Variants in TMEM132D observed in about 807,000 individuals in gnomAD.
TMEM132D encodes mature OL transmembrane protein.
Under a neutral mutation model 62.3 loss-of-function variants are expected in TMEM132D, and 21 were observed. That is an observed-to-expected ratio of 0.34 (90% CI 0.24 to 0.49). The LOEUF (loss-of-function observed/expected upper bound fraction) is 0.49. TMEM132D is among the 20% of genes least tolerant of loss of function. The probability of loss-of-function intolerance (pLI) is 0.99; values close to 1 mark genes in which losing one functional copy is unlikely to be tolerated. For synonymous variants in TMEM132D, 621 were observed against 575.6 expected, an observed-to-expected ratio of 1.08 and a Z score of -1.13; for missense variants, 1,346 against 1,402.8, an observed-to-expected ratio of 0.96 and a Z score of 0.65.
rs1480129820 is a variant in TMEM132D at position 129,432,167 on chromosome 12, A to ATGCT, written c.1116-94351_1116-94350insAGCA. On this transcript the variant is annotated intron_variant, in intron 3 of 8. Transcript: ENST00000422113. ...GATGGATGGATGGATGCTTGGATGG[A>ATGCT]TGGATGGATGGATGGATGGATGGAT... Among the ~76,000 whole-genome samples the ATGCT allele has an allele frequency of 1.6e-3, 212 of 132,644 alleles. 2 individuals are homozygous for ATGCT. Among genetic ancestry groups the ATGCT allele is most frequent in the African/African-American group, 5.9e-3 (200 of 34,118 alleles). The allele number at this position is 132,644 out of a possible 152,430, so 87.0% of individuals were successfully genotyped here. A position where few individuals can be genotyped will look rare whatever the true frequency, so the allele number is the denominator to read the frequency against.
chr12:129,719,212 T>C (rs1433150537), intron 1 of TMEM132D, among the ~76,000 whole-genome samples: 3 of 151,744 alleles, frequency 2.0e-5, no homozygotes, highest in Admixed American at 2.0e-4. Context: ...TGAGCCGAGA[T>C]CGCACGACTA....
At chr12:129,758,620 A>G (rs924603409) in intron 1 of TMEM132D, among the ~76,000 whole-genome samples, 2 of 152,208 alleles carry the variant, frequency 1.3e-5, no homozygotes, top group Admixed American at 6.5e-5. Context: ...TGTATCTAAC[A>G]CATATCATAG....
intron 2 of TMEM132D, among the ~76,000 whole-genome samples, chr12:129,606,135 G>C (rs1271359997): frequency 6.6e-6 from 1 of 152,190 alleles, no homozygotes; most frequent in Non-Finnish European, 1.5e-5. Flanking sequence ...ATCTCTCCCT[G>C]GGTCTTCACA....
At chr12:129,868,274 T>C (rs536830167) in intron 1 of TMEM132D, among the ~76,000 whole-genome samples, 1 of 152,168 alleles carries the variant, frequency 6.6e-6, no homozygotes, top group East Asian at 1.9e-4. Flanking sequence ...AGCATTTCTA[T>C]GGTACACACA....
In TMEM132D at chr12:129,456,677, C is replaced by A. The variant is rs532759616; in HGVS notation, c.1115+74382G>T. Among the ~76,000 whole-genome samples, 6 of 152,288 alleles carry A rather than the reference C, an allele frequency of 3.9e-5. 1 individual carries two copies. Among genetic ancestry groups the A allele is most frequent in the African/African-American group, 1.4e-4 (6 of 41,578 alleles). On this transcript the variant is annotated intron_variant, in intron 3 of 8. Transcript: ENST00000422113. ...TCTTCTTCATCTGCTCTCTTTTACC[C>A]ATAAACGGCAGATGGAACTGTTTGT...
chr12:129,394,734 G>A (rs10773647), intron 3 of TMEM132D, among the ~76,000 whole-genome samples: 56,919 of 152,056 alleles, frequency 0.37, 11,345 homozygotes, highest in East Asian at 0.63. Context: ...CAAACACATC[G>A]CATTAAAAAG....
At chr12:129,106,018 G>A (rs887643016) in intron 5 of TMEM132D, among the ~76,000 whole-genome samples, 172 of 151,596 alleles carry the variant, frequency 1.1e-3, no homozygotes, top group Non-Finnish European at 2.1e-3. Context: ...GAACCAACCC[G>A]AATGTCCAAC....
chr12:129,088,564 C>T (rs1206886734), intron 5 of TMEM132D, among the ~76,000 whole-genome samples: 1 of 34,908 alleles, frequency 2.9e-5, no homozygotes, highest in Non-Finnish European at 4.8e-5. Context: ...GGGTGTCCTC[C>T]CTGACCGGGT....
intron 4 of TMEM132D, among the ~76,000 whole-genome samples, chr12:129,220,761 C>T (rs1015932815): frequency 2.6e-5 from 4 of 151,948 alleles, no homozygotes; most frequent in Non-Finnish European, 5.9e-5. Flanking sequence ...AAATGTCAAA[C>T]GGATACAAGA....
chr12:129,282,553 G>C (rs1881186160), intron 4 of TMEM132D, among the ~76,000 whole-genome samples: 1 of 152,090 alleles, frequency 6.6e-6, no homozygotes, highest in Non-Finnish European at 1.5e-5. Context: ...TGGAGATTTG[G>C]CAACCCTCTC....
intron 3 of TMEM132D, among the ~76,000 whole-genome samples, chr12:129,405,015 T>G (rs1411513316): frequency 6.6e-6 from 1 of 152,204 alleles, no homozygotes; most frequent in Non-Finnish European, 1.5e-5. Flanking sequence ...GTGAATGAAA[T>G]GAGGATAGGA....
chr12:129,896,150 GT>G (rs528660395), intron 1 of TMEM132D, among the ~76,000 whole-genome samples: 80 of 151,036 alleles, frequency 5.3e-4, no homozygotes, highest in Admixed American at 3.4e-3. Context: ...TTTTTGTTTT[GT>G]TTTGTTTTGT....
At chr12:129,608,724 C>T (rs1441272256) in intron 2 of TMEM132D, among the ~76,000 whole-genome samples, 2 of 152,274 alleles carry the variant, frequency 1.3e-5, no homozygotes, top group East Asian at 1.9e-4. Context: ...GGCCTTTCTC[C>T]GTCTGTCATG....
At chr12:129,396,955 T>C (rs746259839) in intron 3 of TMEM132D, among the ~76,000 whole-genome samples, 1 of 152,224 alleles carries the variant, frequency 6.6e-6, no homozygotes, top group Non-Finnish European at 1.5e-5. Flanking sequence ...TCACATTGCT[T>C]GTACACCTGA....
At chr12:129,397,666 T>C (rs1425780227) in intron 3 of TMEM132D, among the ~76,000 whole-genome samples, 2 of 152,188 alleles carry the variant, frequency 1.3e-5, no homozygotes, top group African/African-American at 2.4e-5. Flanking sequence ...ACATAATCAG[T>C]GATTGTGATT....
At chr12:129,342,829 T>A (rs1336603697) in intron 3 of TMEM132D, among the ~76,000 whole-genome samples, 1 of 152,174 alleles carries the variant, frequency 6.6e-6, no homozygotes, top group African/African-American at 2.4e-5. Flanking sequence ...GAAAAAATGC[T>A]CATCATCACT....
At chr12:129,841,315 A>G (rs1156264819) in intron 1 of TMEM132D, among the ~76,000 whole-genome samples, 1 of 152,182 alleles carries the variant, frequency 6.6e-6, no homozygotes, top group African/African-American at 2.4e-5. Flanking sequence ...AAGATTAAAA[A>G]AGAAAAAAAA....
intron 4 of TMEM132D, among the ~76,000 whole-genome samples, chr12:129,258,268 C>CATAT (rs1205374031): frequency 6.6e-6 from 1 of 151,896 alleles, no homozygotes; most frequent in Non-Finnish European, 1.5e-5. Flanking sequence ...GCAGATAGTA[C>CATAT]ATATATAAAT....
In TMEM132D at chr12:129,371,537, T is replaced by G. The variant is rs1040222020; in HGVS notation, c.1116-33720A>C. On this transcript the variant is annotated intron_variant, in intron 3 of 8. Coordinates refer to ENST00000422113, the MANE Select transcript of TMEM132D (RefSeq NM_133448.3). The surrounding 1 kb of genome is among the most constrained non-coding windows in gnomAD (Gnocchi z 4.3). ...ATGGTGGTGATTATGATGATGATTA[T>G]GATGATGATGATGATGATGGCGATG... Among the ~76,000 whole-genome samples, 4 of 149,698 alleles carry G rather than the reference T, an allele frequency of 2.7e-5. No individual in the cohort carries two copies. Among genetic ancestry groups the G allele is most frequent in the African/African-American group, 9.8e-5 (4 of 40,840 alleles).
Sources: allele counts gnomAD v4.1 joint callset (sites outside exome capture counted in the v4.1 genomes callset), GRCh38; gene constraint gnomAD v4.1.1; non-coding constraint Gnocchi (gnomAD v3.1); transcripts MANE v1.5; gene names NCBI Gene and HGNC (gene_info 2026-07-23, HGNC 2026-07-21).